The following GEMIN2 variants were observed in gnomAD, a reference collection of about 807,000 sequenced individuals.
GEMIN2 encodes gem nuclear organelle associated protein 2, also known as gem-associated protein 2.
In GEMIN2, 37 loss-of-function variants were observed where a neutral mutation model predicts 45.8. The observed-to-expected ratio is 0.81, with a 90% CI of 0.62 to 1.06. The LOEUF is 1.06. GEMIN2 is among the 50% of genes least tolerant of loss of function. GEMIN2 has a pLI of 0.00. For missense variants in GEMIN2, 335 were observed against 321.8 expected (o/e 1.04, Z -0.31); for synonymous variants, 101 against 111.5 (o/e 0.91, Z 0.60).
chr14:39,114,430 C>A lies in GEMIN2; in HGVS notation c.92C>A (p.Pro31His), dbSNP rs1299136736. Reference protein sequence around the residue: ...EPCDLTEGFDPSVPPRTPQEY... With the variant: ...EPCDLTEGFDHSVPPRTPQEY... ...TGCGACTTGACGGAAGGTTTCGATCCCTCGGTACCCCCGAGGACGCCTCAG... is the reference window on the plus strand; with the variant it reads ...TGCGACTTGACGGAAGGTTTCGATCACTCGGTACCCCCGAGGACGCCTCAG... Residue 31 changes from proline to histidine, a missense_variant, in exon 1 of 10, where the codon CCC (proline) becomes CAC (histidine). Physicochemically the swap from Pro to His is moderately conservative, Grantham distance 77. Transcript: ENST00000308317. The A allele has an allele frequency of 6.2e-7, 1 of 1,614,000 alleles. No individual in the cohort carries two copies. The highest frequency in any genetic ancestry group is 2.2e-5 in the East Asian group (1 of 44,878).
At chr14:39,131,306 A>AT (rs1354078259) in intron 7 of GEMIN2, among the ~76,000 whole-genome samples, 1 of 152,208 alleles carries the variant, frequency 6.6e-6, no homozygotes, top group Admixed American at 6.6e-5. Flanking sequence ...TCAAAAAAAA[A>AT]GAAAGTTGTA....
At position 39,118,650 on chromosome 14, in the gene GEMIN2, A is replaced by C. The variant is rs569293506; in HGVS notation, c.372+51A>C. ...TGTACAATGTATACCTGATTGAAAG[A>C]GTCTATATTTACTTCCAGTCGTTAA... is the stretch of plus-strand genomic sequence containing the variant. On this transcript the variant is annotated intron_variant, in intron 4 of 9. Transcript: ENST00000308317. 26 of 784,578 alleles carry C rather than the reference A, an allele frequency of 3.3e-5. 1 individual carries two copies. The South Asian group carries it at 3.9e-4, about 12-fold the overall frequency. 48.6% of individuals were successfully genotyped at this position (784,578 alleles called of 1,614,324 possible). A position where few individuals can be genotyped will look rare whatever the true frequency, so the allele number is the denominator to read the frequency against.
rs1461821496 is a variant in GEMIN2 at position 39,114,721 on chromosome 14, A to AT, written c.138-101dup. The AT allele has an allele frequency of 1.7e-5, 12 of 726,112 alleles. No individual in the cohort carries two copies. The East Asian group carries it at 1.8e-4, about 11-fold the overall frequency. The allele number at this position is 726,112 out of a possible 1,614,324, so 45.0% of individuals were successfully genotyped here. On this transcript the variant is annotated intron_variant, in intron 1 of 9. Coordinates refer to ENST00000308317, the MANE Select transcript of GEMIN2 (RefSeq NM_003616.3). ...TTTAGTACCTCAATTGGAAGTCTGA[A>AT]TTTTTTTCTGATTTCACAATGAACT...
At position 39,123,708 on chromosome 14, in the gene GEMIN2, A is replaced by ATTTTT. The variant is rs1162485883; in HGVS notation, c.486+1191_486+1195dup. 9.3e-4 allele frequency among the ~76,000 whole-genome samples: 35 copies of ATTTTT among 37,692 alleles called. 6 individuals are homozygous for ATTTTT. Among genetic ancestry groups the ATTTTT allele is most frequent in the African/African-American group, 4.4e-3 (34 of 7,680 alleles). 24.7% of individuals were successfully genotyped at this position (37,692 alleles called of 152,430 possible). ...TAGCTATATATATATATATATATAT[A>ATTTTT]TTTTTTTTTTTTTTTTTTTTTTTTT... On this transcript the variant is annotated intron_variant, in intron 5 of 9. Coordinates refer to ENST00000308317, the MANE Select transcript of GEMIN2 (RefSeq NM_003616.3).
At chr14:39,132,171 G>A in intron 8 of GEMIN2, 103 bp downstream of exon 8, 1 of 685,258 alleles carries the variant, frequency 1.5e-6, no homozygotes, top group East Asian at 2.5e-5. Context: ...TATTTTATTG[G>A]TGGCAATTAG....
chr14:39,122,088 C>T (rs145786371), intron 4 of GEMIN2: 131 of 198,778 alleles, frequency 6.6e-4, no homozygotes, highest in African/African-American at 3.0e-3. Context: ...TGTTTTCTCA[C>T]GTGGTCTTTC....
intron 2 of GEMIN2, among the ~76,000 whole-genome samples, chr14:39,116,911 C>T (rs1251722324): frequency 6.6e-6 from 1 of 152,124 alleles, no homozygotes; most frequent in African/African-American, 2.4e-5. Context: ...CCACCGTGCC[C>T]AGCTAATTGT....
At chr14:39,124,368 T>G (rs2052613850) in intron 5 of GEMIN2, among the ~76,000 whole-genome samples, 1 of 152,212 alleles carries the variant, frequency 6.6e-6, no homozygotes. Context: ...CTTATCAATG[T>G]TACAGTTTTA....
intron 4 of GEMIN2, among the ~76,000 whole-genome samples, chr14:39,119,905 C>G (rs1202385416): frequency 1.3e-5 from 2 of 152,260 alleles, no homozygotes; most frequent in African/African-American, 4.8e-5. Context: ...AGGTTCAAAC[C>G]CAAGTTGGTC....
chr14:39,121,951 A>C (rs2052578240), intron 4 of GEMIN2: 1 of 178,300 alleles, frequency 5.6e-6, no homozygotes, highest in Non-Finnish European at 1.2e-5. Flanking sequence ...TGAACTCCTG[A>C]CTTCATGTGA....
chr14:39,134,972 T>G (rs1233742323), intron 9 of GEMIN2, among the ~76,000 whole-genome samples: 1 of 151,586 alleles, frequency 6.6e-6, no homozygotes, highest in Non-Finnish European at 1.5e-5. Flanking sequence ...AGTTGTGTTT[T>G]TGTTTTTGTT....
Position 39,125,012 on chromosome 14 carries a change from T to C in GEMIN2, c.507T>C (p.Leu169=), listed in dbSNP as rs138255045. 2.2e-4 allele frequency: 331 copies of C among 1,472,240 alleles called. No homozygotes were observed. The highest frequency in any genetic ancestry group is 2.5e-4 in the Admixed American group (15 of 59,122). The allele number at this position is 1,472,240 out of a possible 1,614,324, so 91.2% of individuals were successfully genotyped here. Residue 169 remains leucine, a synonymous_variant, in exon 6 of 10, where the codon CTT becomes CTC. Coordinates refer to ENST00000308317, the MANE Select transcript of GEMIN2 (RefSeq NM_003616.3). ...TTCAGATTGGTTTTCCTCCCTTGCT[T>C]AGTATTGTTAGCAGAATGAATCAGG... ...DYVQIGFPPL[L]SIVSRMNQAT...
At chr14:39,124,840 G>C in intron 5 of GEMIN2, 152 bp from the exon 6 acceptor site, 1 of 538,806 alleles carries the variant, frequency 1.9e-6, no homozygotes, top group Non-Finnish European at 3.4e-6. Flanking sequence ...AGTAGTTTCC[G>C]GAATGTCTCA....
chr14:39,130,749 G>T (rs982871395), intron 7 of GEMIN2, among the ~76,000 whole-genome samples: 9 of 151,862 alleles, frequency 5.9e-5, no homozygotes, highest in African/African-American at 2.2e-4. Flanking sequence ...ACAAAAATTA[G>T]CTGAGCATGG....
chr14:39,130,954 T>TA (rs1407602675), intron 7 of GEMIN2, among the ~76,000 whole-genome samples: 1 of 151,060 alleles, frequency 6.6e-6, no homozygotes, highest in East Asian at 1.9e-4. Flanking sequence ...GTATTATAAA[T>TA]AAAAAAGATG....
At chr14:39,129,605 C>CT (rs539171889) in intron 7 of GEMIN2, among the ~76,000 whole-genome samples, 25 of 152,024 alleles carry the variant, frequency 1.6e-4, no homozygotes, top group African/African-American at 6.0e-4. Context: ...TAGAGACAGG[C>CT]TTTCTCCATG....
chr14:39,118,044 C>A lies in GEMIN2; in HGVS notation c.268C>A (p.Gln90Lys). Residue 90 changes from glutamine (Q) to lysine (K), a missense_variant, in exon 3 of 10, where the codon CAA becomes AAA. By Grantham distance (53) the Gln-to-Lys change is moderately conservative (BLOSUM62 1). Coordinates refer to ENST00000308317, the MANE Select transcript of GEMIN2 (RefSeq NM_003616.3). ...PAPEGYSPTL[Q>K]WQQQQVAQFS... ...CCCTGAAGGTTATTCCCCAACACTT[C>A]AATGGCAACAGCAACAAGTGGCACA... is the stretch of plus-strand genomic sequence containing the variant. 6.2e-7 allele frequency: 1 copy of A among 1,608,844 alleles called. No homozygotes were observed. The highest frequency in any genetic ancestry group is 8.5e-7 in the Non-Finnish European group (1 of 1,176,482).
chr14:39,122,318 T>C (rs2052582812), intron 4 of GEMIN2, 112 bp from the exon 5 acceptor site: 1 of 623,324 alleles, frequency 1.6e-6, no homozygotes, highest in Non-Finnish European at 2.9e-6. Context: ...ACTGGCTCCG[T>C]ATCTTTGGGT....
chr14:39,117,934 C>A, intron 2 of GEMIN2, 65 bp from the exon 3 acceptor site: 2 of 735,956 alleles, frequency 2.7e-6, no homozygotes, highest in Non-Finnish European at 4.7e-6. Context: ...TTTTGCTTTG[C>A]AGAGGCATGA....
Sources: allele counts gnomAD v4.1 joint callset (sites outside exome capture counted in the v4.1 genomes callset), GRCh38; gene constraint gnomAD v4.1.1; transcripts MANE v1.5; gene names NCBI Gene and HGNC (gene_info 2026-07-23, HGNC 2026-07-21).